The following TEX2 variants were observed in gnomAD, a reference collection of about 807,000 sequenced individuals.
TEX2 encodes testis-expressed protein 2.
In TEX2, 53 loss-of-function variants were observed where a neutral mutation model predicts 106.9. That is an observed-to-expected ratio of 0.50 (90% CI 0.40 to 0.62). The LOEUF is 0.62. TEX2 is among the 20% of genes least tolerant of loss of function. The pLI is 0.00. For synonymous variants in TEX2, 523 were observed against 534.8 expected, an observed-to-expected ratio of 0.98 and a Z score of 0.30; for missense variants, 1,207 against 1,379.0, an observed-to-expected ratio of 0.88 and a Z score of 1.98.
At chr17:64,165,349 T>C (rs1439093857) in intron 7 of TEX2, among the ~76,000 whole-genome samples, 1 of 152,208 alleles carries the variant, frequency 6.6e-6, no homozygotes, top group African/African-American at 2.4e-5. Flanking sequence ...GAAATAGAGC[T>C]CCACCCCTTC....
At chr17:64,245,533 C>G (rs1278789993) in intron 1 of TEX2, among the ~76,000 whole-genome samples, 2 of 152,126 alleles carry the variant, frequency 1.3e-5, no homozygotes, top group Non-Finnish European at 2.9e-5. Flanking sequence ...GCCATAGATA[C>G]AAAATCGAGG....
At chr17:64,178,793 C>G (rs1308124714) in intron 5 of TEX2, among the ~76,000 whole-genome samples, 1 of 152,250 alleles carries the variant, frequency 6.6e-6, no homozygotes, top group African/African-American at 2.4e-5. Flanking sequence ...ACACCAGACA[C>G]TCTCATCACC....
intron 7 of TEX2, among the ~76,000 whole-genome samples, chr17:64,168,028 A>G (rs1040171456): frequency 9.2e-5 from 14 of 151,996 alleles, no homozygotes; most frequent in Non-Finnish European, 7.4e-5. Flanking sequence ...CCTCCAACAA[A>G]CAAGCACAAG....
intron 8 of TEX2, among the ~76,000 whole-genome samples, chr17:64,156,449 A>T (rs984478746): frequency 1.3e-5 from 2 of 152,046 alleles, no homozygotes; most frequent in African/African-American, 2.4e-5. Context: ...CACGTAACTG[A>T]GTCTTCCTCC....
chr17:64,154,670 G>C (rs972900379), intron 9 of TEX2, among the ~76,000 whole-genome samples, 172 bp downstream of exon 9: 1 of 147,724 alleles, frequency 6.8e-6, no homozygotes, highest in East Asian at 1.9e-4. Flanking sequence ...CTTTTTGCTT[G>C]GTTGCCTGGA....
At chr17:64,186,545 G>A (rs756410700) in intron 5 of TEX2, among the ~76,000 whole-genome samples, 7 of 152,244 alleles carry the variant, frequency 4.6e-5, no homozygotes, top group Non-Finnish European at 7.4e-5. Flanking sequence ...AGCCAAGGGC[G>A]GTGGCTCACG....
chr17:64,203,695 G>A (rs566853148), intron 2 of TEX2, among the ~76,000 whole-genome samples: 2 of 152,190 alleles, frequency 1.3e-5, no homozygotes, highest in East Asian at 3.9e-4. Context: ...GCCTTAAGCA[G>A]GGAGTCAACA....
intron 1 of TEX2, chr17:64,230,483 G>A (rs1180762798): frequency 2.0e-5 from 3 of 152,270 alleles, no homozygotes; most frequent in African/African-American, 7.2e-5. Context: ...GCCCTGAGGG[G>A]GAACATTCCC....
At chr17:64,172,521 T>C (rs529021972) in intron 6 of TEX2, among the ~76,000 whole-genome samples, 9 of 152,212 alleles carry the variant, frequency 5.9e-5, no homozygotes, top group Admixed American at 3.9e-4. Flanking sequence ...GATACACCAA[T>C]GGGCAGTTGA....
intron 1 of TEX2, among the ~76,000 whole-genome samples, chr17:64,236,089 G>A (rs2033760125): frequency 1.3e-5 from 2 of 151,828 alleles, no homozygotes; most frequent in Admixed American, 6.6e-5. Flanking sequence ...AATAGCTTAA[G>A]GTACAGCCGG....
intron 1 of TEX2, among the ~76,000 whole-genome samples, chr17:64,252,611 C>G (rs972803149): frequency 6.6e-6 from 1 of 152,110 alleles, no homozygotes; most frequent in Admixed American, 6.5e-5. Flanking sequence ...CCACTGTGCT[C>G]AGCCATATAA....
At chr17:64,245,316 A>G (rs1180412460) in intron 1 of TEX2, among the ~76,000 whole-genome samples, 1 of 152,196 alleles carries the variant, frequency 6.6e-6, no homozygotes, top group Admixed American at 6.5e-5. Flanking sequence ...TCTCAAACCC[A>G]TTATCCTAAT....
Position 64,247,076 on chromosome 17 carries a change from G to A in TEX2, c.-26+16092C>T, listed in dbSNP as rs551879863. Among the ~76,000 whole-genome samples the A allele has an allele frequency of 4.6e-5, 7 of 151,898 alleles. No homozygotes were observed. The South Asian group carries it at 8.3e-4, about 18-fold the overall frequency. On this transcript the variant is annotated intron_variant, in intron 1 of 11. Transcript: ENST00000584379. ...GCAGATCACCTGAGGTCAGGAGTTC[G>A]TGACCAGCCTGACCAACATGGTGAA...
intron 1 of TEX2, among the ~76,000 whole-genome samples, chr17:64,239,696 T>A (rs756881477): frequency 2.0e-5 from 3 of 151,422 alleles, no homozygotes; most frequent in Non-Finnish European, 2.9e-5. Flanking sequence ...GCCAATATGG[T>A]GAAACCCCGT....
intron 2 of TEX2, among the ~76,000 whole-genome samples, chr17:64,211,445 A>G (rs769180514): frequency 6.6e-6 from 1 of 152,202 alleles, no homozygotes; most frequent in Non-Finnish European, 1.5e-5. Context: ...AAAAACATAT[A>G]CAATCAGCCC....
intron 2 of TEX2, among the ~76,000 whole-genome samples, chr17:64,201,936 A>G (rs2032676798): frequency 6.6e-6 from 1 of 152,188 alleles, no homozygotes; most frequent in South Asian, 2.1e-4. Context: ...AGCAGGAGTA[A>G]GCAGGAAGGC....
In TEX2 at chr17:64,227,918, A is replaced by T. The variant is rs182184931; in HGVS notation, c.-25-13676T>A. 3.9e-5 allele frequency among the ~76,000 whole-genome samples: 6 copies of T among 152,350 alleles called. No individual in the cohort carries two copies. In the East Asian group the frequency reaches 1.2e-3, roughly 29 times the overall value. Reference sequence around the variant, plus strand: ...ACTGTTCTTATAAGCATTTTCTCAAATCAAAGATTATTTCATGCATGATTT... The same window carrying T: ...ACTGTTCTTATAAGCATTTTCTCAATTCAAAGATTATTTCATGCATGATTT... On this transcript the variant is annotated intron_variant, in intron 1 of 11. Coordinates refer to ENST00000584379, the MANE Select transcript of TEX2 (RefSeq NM_001288732.2).
At chr17:64,177,991 A>G (rs551437447) in intron 5 of TEX2, among the ~76,000 whole-genome samples, 2 of 152,320 alleles carry the variant, frequency 1.3e-5, no homozygotes, top group East Asian at 3.9e-4. Context: ...CCCCAGAGTC[A>G]CTGATTTCAG....
chr17:64,154,783 C>T, intron 9 of TEX2, 59 bp downstream of exon 9: 1 of 1,462,108 alleles, frequency 6.8e-7, no homozygotes, highest in Non-Finnish European at 9.1e-7. Flanking sequence ...AAGGTTCACT[C>T]CCAACTTGCT....
Sources: gnomAD v4.1 joint callset for allele counts (sites outside exome capture counted in the v4.1 genomes callset) on GRCh38, gnomAD v4.1.1 for gene constraint, MANE v1.5 for transcripts, NCBI Gene and HGNC (gene_info 2026-07-23, HGNC 2026-07-21) for gene names.